Variants in HNRNPC observed in about 807,000 individuals in gnomAD.
HNRNPC encodes heterogeneous nuclear ribonucleoproteins C1/C2.
Under a neutral mutation model 33.2 loss-of-function variants are expected in HNRNPC, and 3 were observed. The ratio of observed to expected loss-of-function variants is 0.09; its 90% CI spans 0.04 to 0.23. The LOEUF is 0.23. Ranked by LOEUF, HNRNPC falls within the 10% of genes least tolerant of loss-of-function variation. HNRNPC has a pLI of 1.00. For missense variants in HNRNPC, 143 were observed against 366.7 expected (o/e 0.39, Z 4.98); for synonymous variants, 121 against 126.7 (o/e 0.96, Z 0.30).
intron 3 of HNRNPC, among the ~76,000 whole-genome samples, chr14:21,233,285 C>A (rs1425111128): frequency 6.6e-6 from 1 of 152,158 alleles, no homozygotes; most frequent in East Asian, 1.9e-4. Flanking sequence ...ATAACTCTAA[C>A]CTACCATGCT....
At chr14:21,251,260 C>CAAAAAAAA (rs71419116) in intron 2 of HNRNPC, among the ~76,000 whole-genome samples, 10 of 49,482 alleles carry the variant, frequency 2.0e-4, no homozygotes, top group African/African-American at 6.6e-4. Context: ...GACTCCCTCT[C>CAAAAAAAA]AAAAAAAAAA....
At chr14:21,227,592 G>T (rs1031462270) in intron 5 of HNRNPC, among the ~76,000 whole-genome samples, 1 of 152,132 alleles carries the variant, frequency 6.6e-6, no homozygotes, top group Non-Finnish European at 1.5e-5. Flanking sequence ...ATATATTGTT[G>T]TCTATTGAAA....
At chr14:21,217,656 A>G (rs151044044) in intron 5 of HNRNPC, among the ~76,000 whole-genome samples, 1 of 152,232 alleles carries the variant, frequency 6.6e-6, no homozygotes, top group East Asian at 1.9e-4. Context: ...AATGGCATCA[A>G]TCAATAATTG....
chr14:21,236,807 G>A (rs1894742520), intron 2 of HNRNPC, among the ~76,000 whole-genome samples: 1 of 152,142 alleles, frequency 6.6e-6, no homozygotes, highest in Non-Finnish European at 1.5e-5. Context: ...CAAGAGCAGA[G>A]TAGTTTTTGA....
intron 1 of HNRNPC, chr14:21,264,491 A>G (rs1177596647): frequency 6.6e-6 from 1 of 152,228 alleles, no homozygotes; most frequent in Non-Finnish European, 1.5e-5. Context: ...CCTTATGTTA[A>G]TACTTTTGTT....
intron 5 of HNRNPC, among the ~76,000 whole-genome samples, chr14:21,228,237 G>A (rs1319889877): frequency 1.3e-5 from 2 of 152,176 alleles, no homozygotes; most frequent in African/African-American, 4.8e-5. Flanking sequence ...TTACTGGAAT[G>A]CTAAGCTTGT....
intron 1 of HNRNPC, chr14:21,263,771 G>A (rs1299421044): frequency 2.0e-5 from 3 of 152,154 alleles, no homozygotes; most frequent in East Asian, 1.9e-4. Flanking sequence ...GGGTGGGGAA[G>A]GGAGGTTAAA....
chr14:21,258,592 TTGA>T (rs766717559), intron 2 of HNRNPC, among the ~76,000 whole-genome samples: 16 of 151,908 alleles, frequency 1.1e-4, no homozygotes, highest in Admixed American at 1.3e-4. Context: ...ACTCAAGGTT[TTGA>T]TGATGATTAA....
At chr14:21,257,425 T>C (rs1027986054) in intron 2 of HNRNPC, among the ~76,000 whole-genome samples, 2 of 151,920 alleles carry the variant, frequency 1.3e-5, no homozygotes, top group African/African-American at 4.8e-5. Flanking sequence ...TCTGGTTAAA[T>C]GGAACCAACA....
rs561716557 is a variant in HNRNPC, at chr14:21,245,511, T to G, written c.-36-11282A>C. Among the ~76,000 whole-genome samples the G allele has an allele frequency of 6.0e-3, 880 of 147,498 alleles. 10 individuals carry two copies. The highest frequency in any genetic ancestry group is 0.019 in the African/African-American group (768 of 39,458). On this transcript the variant is annotated intron_variant, in intron 2 of 8. Transcript: ENST00000553300. ...ACTGTCGCCAAAAAAAATATATATA[T>G]ATTTCAAAAACGGTATACCTATATA...
chr14:21,252,305 T>C (rs982597789), intron 2 of HNRNPC, among the ~76,000 whole-genome samples: 1 of 152,132 alleles, frequency 6.6e-6, no homozygotes, highest in Non-Finnish European at 1.5e-5. Flanking sequence ...AATGGACTTG[T>C]TGGTCTTTTT....
intron 2 of HNRNPC, among the ~76,000 whole-genome samples, chr14:21,235,458 TAC>T (rs1285038259): frequency 2.6e-5 from 4 of 152,220 alleles, no homozygotes; most frequent in Admixed American, 1.3e-4. Flanking sequence ...TGATGCTTAA[TAC>T]AGTCATTTAA....
intron 2 of HNRNPC, among the ~76,000 whole-genome samples, chr14:21,255,618 G>GTA (rs2065881527): frequency 6.6e-6 from 1 of 152,172 alleles, no homozygotes; most frequent in African/African-American, 2.4e-5. Flanking sequence ...AAGAGTTGAT[G>GTA]TACATTTTTA....
Position 21,210,584 on chromosome 14 carries a change from GTTTAT to G in HNRNPC, c.*634_*638del, listed in dbSNP as rs1487949844. ...CAAATTCCTGGTTTAATAAGGACTT[GTTTAT>G]TTTGAGGAAAAAAGGTCCCAAACAT... On this transcript the variant is annotated 3_prime_UTR_variant, in exon 9 of 9. Transcript: ENST00000553300. 3 of 151,812 alleles carry G rather than the reference GTTTAT, an allele frequency of 2.0e-5. No homozygotes were observed. The highest frequency in any genetic ancestry group is 2.9e-5 in the Non-Finnish European group (2 of 67,864). The allele number at this position is 151,812 out of a possible 1,614,324, so 9.4% of individuals were successfully genotyped here.
chr14:21,260,670 T>C (rs1380848007), intron 2 of HNRNPC, among the ~76,000 whole-genome samples: 2 of 151,516 alleles, frequency 1.3e-5, no homozygotes, highest in Admixed American at 6.6e-5. Flanking sequence ...CTACTAAAAA[T>C]AGAAAAATTT....
chr14:21,247,987 T>C (rs975198281), intron 2 of HNRNPC, among the ~76,000 whole-genome samples: 3 of 145,114 alleles, frequency 2.1e-5, no homozygotes, highest in Non-Finnish European at 4.6e-5. Flanking sequence ...TAAGATTACA[T>C]CATAAAAAAG....
At chr14:21,258,429 G>T (rs1441011159) in intron 2 of HNRNPC, among the ~76,000 whole-genome samples, 1 of 151,986 alleles carries the variant, frequency 6.6e-6, no homozygotes, top group African/African-American at 2.4e-5. Context: ...GTGACGAAAG[G>T]AGTCTACTAT....
At chr14:21,260,960 CAAAAAAAAAAA>C (rs71112564) in intron 2 of HNRNPC, among the ~76,000 whole-genome samples, 1 of 88,520 alleles carries the variant, frequency 1.1e-5, no homozygotes, top group East Asian at 3.3e-4. Context: ...GAGACTGTCT[CAAAAAAAAAAA>C]AAAAAAAAAA....
rs1033468689 is a variant in HNRNPC at position 21,260,985 on chromosome 14, G to A, written c.-37+2326C>T. Reference sequence around the variant, plus strand: ...CAAAAAAAAAAAAAAAAAAAAAGATGGGGTCTCATTATGTTGCCCAGCCTG... The same window carrying A: ...CAAAAAAAAAAAAAAAAAAAAAGATAGGGTCTCATTATGTTGCCCAGCCTG... On this transcript the variant is annotated intron_variant, in intron 2 of 8. Coordinates refer to ENST00000553300, the MANE Select transcript of HNRNPC (RefSeq NM_004500.4). 5.3e-5 allele frequency among the ~76,000 whole-genome samples: 8 copies of A among 149,928 alleles called. No homozygotes were observed. The South Asian group carries it at 1.7e-3, about 32-fold the overall frequency.
Sources: allele counts gnomAD v4.1 joint callset (sites outside exome capture counted in the v4.1 genomes callset), GRCh38; gene constraint gnomAD v4.1.1; transcripts MANE v1.5; gene names NCBI Gene and HGNC (gene_info 2026-07-23, HGNC 2026-07-21).